RANBP2: variants seen among roughly 807,000 people sequenced by gnomAD.
RANBP2 encodes RAN binding protein 2.
RANBP2 carries 57 observed loss-of-function variants against 303.6 expected under a neutral mutation model. The observed-to-expected ratio is 0.19, with a 90% CI of 0.15 to 0.23. The LOEUF is 0.23. Among genes scored for constraint, RANBP2 ranks in the 10% least tolerant of loss-of-function variants. The pLI is 1.00. For missense variants in RANBP2, 3,138 were observed against 3,780.8 expected, an observed-to-expected ratio of 0.83 and a Z score of 4.46; for synonymous variants, 1,167 against 1,301.5, an observed-to-expected ratio of 0.90 and a Z score of 2.23.
the RANBP2 span, among the ~76,000 whole-genome samples, chr2:109,505,036 G>T: frequency 2.0e-5 from 3 of 152,190 alleles, no homozygotes; most frequent in Non-Finnish European, 4.4e-5. Context: ...AACCAGAAGT[G>T]CCTGGTATTA....
the RANBP2 span, chr2:108,930,157 T>C: frequency 6.2e-7 from 1 of 1,614,032 alleles, no homozygotes; most frequent in Non-Finnish European, 8.5e-7. Flanking sequence ...CGGGGGGCAC[T>C]CCTGGCACAG....
the RANBP2 span, among the ~76,000 whole-genome samples, chr2:109,799,113 CA>C: frequency 1.1e-4 from 2 of 18,950 alleles, no homozygotes; most frequent in African/African-American, 3.9e-4. Flanking sequence ...ACTGAAAATA[CA>C]AAAATTAGCT....
the RANBP2 span, among the ~76,000 whole-genome samples, chr2:109,276,090 A>G: frequency 6.6e-6 from 1 of 152,120 alleles, no homozygotes; most frequent in Admixed American, 6.5e-5. Flanking sequence ...CTTCCCAGGA[A>G]GGGGGATCTC....
the RANBP2 span, chr2:109,614,201 G>A: frequency 1.8e-6 from 2 of 1,092,840 alleles, no homozygotes; most frequent in Non-Finnish European, 2.3e-6. Flanking sequence ...CGCGAGGCCG[G>A]AAGTGGGCGG....
chr2:108,860,333 C>T, the RANBP2 span, among the ~76,000 whole-genome samples: 2 of 152,164 alleles, frequency 1.3e-5, no homozygotes, highest in East Asian at 3.9e-4. Context: ...TTATTTCTTT[C>T]TCTTGGCCAA....
At chr2:109,235,111 C>T in the RANBP2 span, among the ~76,000 whole-genome samples, 21 of 152,232 alleles carry the variant, frequency 1.4e-4, no homozygotes, top group African/African-American at 4.3e-4. Flanking sequence ...ATAAGCAGTA[C>T]GGTTTTAGAG....
chr2:109,570,279 T>C, the RANBP2 span, among the ~76,000 whole-genome samples: 1 of 152,272 alleles, frequency 6.6e-6, no homozygotes, highest in East Asian at 1.9e-4. Flanking sequence ...CCTTTACCGT[T>C]ACCATAAAAT....
the RANBP2 span, among the ~76,000 whole-genome samples, chr2:109,304,468 C>T: frequency 1.3e-5 from 2 of 152,044 alleles, no homozygotes; most frequent in African/African-American, 4.8e-5. Flanking sequence ...CTAGGGGTTC[C>T]TTGTTCCCTG....
chr2:109,175,122 T>A, the RANBP2 span, among the ~76,000 whole-genome samples: 1 of 152,142 alleles, frequency 6.6e-6, no homozygotes, highest in Non-Finnish European at 1.5e-5. Context: ...GTAGTCCTGG[T>A]CATTATCAGT....
the RANBP2 span, among the ~76,000 whole-genome samples, chr2:108,963,421 A>G: frequency 6.6e-6 from 1 of 152,212 alleles, no homozygotes; most frequent in Admixed American, 6.5e-5. Flanking sequence ...GCACAAGGAC[A>G]TTTAAAAAAA....
chr2:109,320,473 G>A, the RANBP2 span, among the ~76,000 whole-genome samples: 1 of 152,104 alleles, frequency 6.6e-6, no homozygotes, highest in Non-Finnish European at 1.5e-5. Context: ...TCCTCCTCAC[G>A]TCTTCTTAAC....
the RANBP2 span, among the ~76,000 whole-genome samples, chr2:109,742,427 A>C: frequency 3.2e-5 from 4 of 125,068 alleles, 1 homozygote; most frequent in African/African-American, 1.3e-4. Context: ...TTCTCAAAAA[A>C]ACAAAAACAA....
chr2:109,003,315 T>A, the RANBP2 span, among the ~76,000 whole-genome samples: 1 of 151,950 alleles, frequency 6.6e-6, no homozygotes, highest in South Asian at 2.1e-4. Context: ...TTTATGAGCT[T>A]AGCACAGCAC....
the RANBP2 span, among the ~76,000 whole-genome samples, chr2:109,082,080 G>GGGCTCCGC: frequency 6.6e-6 from 1 of 152,192 alleles, no homozygotes; most frequent in African/African-American, 2.4e-5. Flanking sequence ...ACACTGAAGT[G>GGGCTCCGC]CTCTACCCAT....
the RANBP2 span, among the ~76,000 whole-genome samples, chr2:108,831,726 T>TTCCG: frequency 1.3e-5 from 2 of 151,860 alleles, no homozygotes; most frequent in Admixed American, 6.6e-5. Flanking sequence ...CCTTCCTTCC[T>TTCCG]TCCTTCCTTC....
At chr2:108,800,313 G>C in the RANBP2 span, among the ~76,000 whole-genome samples, 1 of 152,168 alleles carries the variant, frequency 6.6e-6, no homozygotes, top group Admixed American at 6.5e-5. Context: ...CATCCAGGCT[G>C]GAGTACAGTG....
At chr2:108,993,539 G>A in the RANBP2 span, among the ~76,000 whole-genome samples, 5 of 152,172 alleles carry the variant, frequency 3.3e-5, no homozygotes, top group African/African-American at 1.2e-4. Context: ...TTTGCACAGA[G>A]GGAGGGCCTT....
the RANBP2 span, among the ~76,000 whole-genome samples, chr2:109,631,070 A>G: frequency 6.6e-6 from 1 of 152,338 alleles, no homozygotes; most frequent in East Asian, 1.9e-4. Flanking sequence ...AAAATCAAAA[A>G]CAATAAACAA....
chr2:109,351,691 CT>C, the RANBP2 span, among the ~76,000 whole-genome samples: 1 of 152,222 alleles, frequency 6.6e-6, no homozygotes, highest in Admixed American at 6.5e-5. Flanking sequence ...CATGGAATCA[CT>C]TTTGCACATG....
Sources: gnomAD v4.1 joint callset for allele counts (sites outside exome capture counted in the v4.1 genomes callset) on GRCh38, gnomAD v4.1.1 for gene constraint, MANE v1.5 for transcripts, NCBI Gene and HGNC (gene_info 2026-07-23, HGNC 2026-07-21) for gene names.